AGBL1: variants seen among roughly 807,000 people sequenced by gnomAD.
AGBL1 encodes the protein AGBL carboxypeptidase 1.
In AGBL1, 130 loss-of-function variants were observed where a neutral mutation model predicts 118.9. That is an observed-to-expected ratio of 1.09 (90% CI 0.95 to 1.26). The LOEUF is 1.26. AGBL1 is among the 50% of genes most tolerant of loss of function. The pLI, the probability that AGBL1 is intolerant of heterozygous loss-of-function variation, is 0.00. For synonymous variants in AGBL1, 555 were observed against 478.9 expected (o/e 1.16, Z -2.08); for missense variants, 1,584 against 1,298.1 (o/e 1.22, Z -3.38).
rs559330372 is a variant in AGBL1, at chr15:86,750,389, G to A, written c.3158+75953G>A. ...GGTAATTGACATTTTATTTTTCAGC[G>A]AAAAATAGAACCTGGTAATTTCTGT... On this transcript the variant is annotated intron_variant, in intron 22 of 22. Coordinates refer to ENST00000614907, the MANE Select transcript of AGBL1 (RefSeq NM_001386094.1). Among the ~76,000 whole-genome samples, 43 of 150,744 alleles carry A rather than the reference G, an allele frequency of 2.9e-4. 1 individual carries two copies. The highest frequency in any genetic ancestry group is 4.2e-4 in the South Asian group (2 of 4,808).
At chr15:86,719,299 A>G (rs1025183107) in intron 22 of AGBL1, among the ~76,000 whole-genome samples, 1 of 152,158 alleles carries the variant, frequency 6.6e-6, no homozygotes, top group Non-Finnish European at 1.5e-5. Flanking sequence ...TTTTAAATCT[A>G]TATAGCCCCA....
At chr15:86,844,375 G>A (rs2079289128) in intron 22 of AGBL1, among the ~76,000 whole-genome samples, 1 of 152,106 alleles carries the variant, frequency 6.6e-6, no homozygotes, top group African/African-American at 2.4e-5. Context: ...GTCAACAATT[G>A]TCATTGTCTA....
chr15:86,791,728 T>TTTTATATATA (rs1555450536), intron 22 of AGBL1, among the ~76,000 whole-genome samples: 1 of 142,874 alleles, frequency 7.0e-6, no homozygotes, highest in African/African-American at 2.6e-5. Context: ...TCCTTGTTTT[T>TTTTATATATA]TATATATATA....
chr15:86,843,409 G>A (rs1188574625), intron 22 of AGBL1, among the ~76,000 whole-genome samples: 3 of 152,086 alleles, frequency 2.0e-5, no homozygotes, highest in African/African-American at 7.2e-5. Flanking sequence ...AGAAGGGTAA[G>A]GGTGGGTGTA....
chr15:86,170,865 A>C (rs2077404451), intron 5 of AGBL1, among the ~76,000 whole-genome samples: 1 of 140,396 alleles, frequency 7.1e-6, no homozygotes, highest in Non-Finnish European at 1.5e-5. Flanking sequence ...AAAAACAAAC[A>C]AAAAACTCAA....
In AGBL1 at chr15:86,264,473, T is replaced by C; in HGVS notation, c.1302T>C (p.Pro434=). Residue 434 remains proline, a synonymous_variant, in exon 11 of 23, where the codon CCT becomes CCC. Coordinates refer to ENST00000614907, the MANE Select transcript of AGBL1 (RefSeq NM_001386094.1). The part of the protein sequence containing the change: ...STVHLGSKKN[P]GVNLYQNVQS... The stretch of plus-strand genomic sequence containing the variant: ...TGCATCTAGGCTCCAAAAAAAATCC[T>C]GGAGTGAACCTGTACCAAAATGTGC... The C allele has an allele frequency of 1.2e-6, 2 of 1,614,016 alleles. No individual in the cohort carries two copies. The highest frequency in any genetic ancestry group is 8.5e-7 in the Non-Finnish European group (1 of 1,179,882).
chr15:86,384,137 A>G (rs771380714), intron 17 of AGBL1, among the ~76,000 whole-genome samples: 1 of 152,154 alleles, frequency 6.6e-6, no homozygotes, highest in Non-Finnish European at 1.5e-5. Context: ...TTAGGGCAGG[A>G]GCTCTGGAAG....
At chr15:86,379,511 A>G (rs2081084694) in intron 17 of AGBL1, among the ~76,000 whole-genome samples, 1 of 152,312 alleles carries the variant, frequency 6.6e-6, no homozygotes, top group Admixed American at 6.5e-5. Flanking sequence ...ATTTTCCTTA[A>G]TAATAATGCC....
At chr15:86,661,649 G>A (rs552953552) in intron 21 of AGBL1, among the ~76,000 whole-genome samples, 8 of 152,066 alleles carry the variant, frequency 5.3e-5, no homozygotes, top group Admixed American at 2.0e-4. Context: ...CAATTGCCAC[G>A]GACTCTCATT....
intron 22 of AGBL1, among the ~76,000 whole-genome samples, chr15:86,878,237 C>T (rs2079841165): frequency 6.6e-6 from 1 of 152,202 alleles, no homozygotes; most frequent in Non-Finnish European, 1.5e-5. Flanking sequence ...CAAAGTTCTT[C>T]TGCAAAGAGT....
intron 22 of AGBL1, among the ~76,000 whole-genome samples, chr15:86,778,574 G>T (rs764960104): frequency 2.8e-4 from 43 of 152,184 alleles, no homozygotes; most frequent in Non-Finnish European, 5.9e-4. Context: ...TCTCCCATTT[G>T]CTTTTGAAAG....
At chr15:86,971,944 C>T (rs1203505777) in intron 23 of AGBL1, among the ~76,000 whole-genome samples, 3 of 151,920 alleles carry the variant, frequency 2.0e-5, no homozygotes, top group African/African-American at 7.2e-5. Context: ...CTTGGCACTT[C>T]CCCTTCCTGC....
intron 17 of AGBL1, among the ~76,000 whole-genome samples, chr15:86,320,597 T>G (rs914070962): frequency 6.6e-6 from 1 of 152,124 alleles, no homozygotes; most frequent in Non-Finnish European, 1.5e-5. Context: ...TTCTCTTTTT[T>G]ATGATTCAGA....
At chr15:86,896,799 C>T (rs1160717773) in intron 22 of AGBL1, among the ~76,000 whole-genome samples, 1 of 152,104 alleles carries the variant, frequency 6.6e-6, no homozygotes, top group Non-Finnish European at 1.5e-5. Flanking sequence ...AACATCATTT[C>T]CAGATTATCC....
chr15:86,315,279 G>T (rs188746415), intron 17 of AGBL1, among the ~76,000 whole-genome samples: 9 of 152,092 alleles, frequency 5.9e-5, no homozygotes, highest in Non-Finnish European at 8.8e-5. Context: ...ACTCTTATCT[G>T]CACTCACATT....
At chr15:86,938,616 T>C (rs1266130089) in intron 23 of AGBL1, among the ~76,000 whole-genome samples, 1 of 152,094 alleles carries the variant, frequency 6.6e-6, no homozygotes, top group Non-Finnish European at 1.5e-5. Flanking sequence ...CCTAACAAAA[T>C]TGAGACTAAC....
intron 22 of AGBL1, among the ~76,000 whole-genome samples, chr15:86,680,884 C>T (rs1437659393): frequency 6.6e-6 from 1 of 151,968 alleles, no homozygotes; most frequent in Non-Finnish European, 1.5e-5. Context: ...GTCTTTTCTA[C>T]CTTCATAGTT....
chr15:86,891,367 T>C (rs979206442), intron 22 of AGBL1, among the ~76,000 whole-genome samples: 1 of 151,978 alleles, frequency 6.6e-6, no homozygotes, highest in Non-Finnish European at 1.5e-5. Flanking sequence ...TTTACAGCAG[T>C]GTAGTTGAGT....
At position 86,154,654 on chromosome 15, in the gene AGBL1, T is replaced by C. The variant is rs1039531359; in HGVS notation, c.394+93T>C. 22 of 1,423,138 alleles carry C rather than the reference T, an allele frequency of 1.5e-5. No homozygotes were observed. The Admixed American group carries it at 3.6e-4, about 23-fold the overall frequency. The allele number at this position is 1,423,138 out of a possible 1,614,324, so 88.2% of individuals were successfully genotyped here. A position where few individuals can be genotyped will look rare whatever the true frequency, so the allele number is the denominator to read the frequency against. On this transcript the variant is annotated intron_variant, in intron 4 of 22. Transcript: ENST00000614907. ...TGAGGGTCTGGTTGGAAGAAAAGCA[T>C]GGGTGAGAGATACACATGGTGGTCC...
Sources: allele counts gnomAD v4.1 joint callset (sites outside exome capture counted in the v4.1 genomes callset), GRCh38; gene constraint gnomAD v4.1.1; transcripts MANE v1.5; gene names NCBI Gene and HGNC (gene_info 2026-07-23, HGNC 2026-07-21).